EFCAB5: variants seen among roughly 807,000 people sequenced by gnomAD.
EFCAB5 encodes EF-hand calcium binding domain 5.
In EFCAB5, 131 loss-of-function variants were observed where a neutral mutation model predicts 167.9. The observed-to-expected ratio is 0.78, with a 90% confidence interval of 0.68 to 0.90. EFCAB5 has a LOEUF of 0.90. Ranked by LOEUF, EFCAB5 falls within the 40% of genes least tolerant of loss-of-function variation. The pLI is 0.00. For missense variants in EFCAB5, 1,663 were observed against 1,745.2 expected (o/e 0.95, Z 0.84); for synonymous variants, 574 against 602.8 (o/e 0.95, Z 0.70).
intron 2 of EFCAB5, among the ~76,000 whole-genome samples, chr17:29,943,041 A>T (rs1161647610): frequency 6.8e-6 from 1 of 147,686 alleles, no homozygotes; most frequent in South Asian, 2.1e-4. Context: ...GCATCTCCAA[A>T]ATATATATAT....
chr17:29,986,621 T>C (rs1221390734), intron 4 of EFCAB5, among the ~76,000 whole-genome samples: 1 of 151,078 alleles, frequency 6.6e-6, no homozygotes, highest in Non-Finnish European at 1.5e-5. Context: ...TATGCCTCAA[T>C]TATAGGAGTA....
intron 8 of EFCAB5, among the ~76,000 whole-genome samples, chr17:30,047,269 C>CCTCT (rs1465270993): frequency 6.6e-6 from 1 of 152,008 alleles, no homozygotes; most frequent in African/African-American, 2.4e-5. Flanking sequence ...TCATATGTAG[C>CCTCT]CTCTATATGT....
intron 4 of EFCAB5, among the ~76,000 whole-genome samples, chr17:29,989,772 G>A (rs1486818865): frequency 6.6e-6 from 1 of 152,090 alleles, no homozygotes. Context: ...AAAGCCTCCA[G>A]TTTCTCTTTA....
chr17:30,051,180 A>C lies in EFCAB5; in HGVS notation c.1263A>C (p.Ser421=). The change falls in exon 9 of 23, where the codon TCA becomes TCC. Residue 421 remains serine (S), a synonymous_variant. Transcript: ENST00000394835. ...ALLELFYDHS[S]QMLRSLLRNP... ...TGGAATTGTTCTATGACCATAGTTCACAAATGCTTAGGAGTTTACTTCGAA... is the reference window on the plus strand; with the variant it reads ...TGGAATTGTTCTATGACCATAGTTCCCAAATGCTTAGGAGTTTACTTCGAA... 1 of 1,614,012 alleles carries C rather than the reference A, an allele frequency of 6.2e-7. No individual in the cohort carries two copies. Among genetic ancestry groups the C allele is most frequent in the Non-Finnish European group, 8.5e-7 (1 of 1,179,876 alleles).
chr17:30,086,952 G>A, intron 18 of EFCAB5, 111 bp from the exon 19 acceptor site: 1 of 868,432 alleles, frequency 1.2e-6, no homozygotes, highest in Non-Finnish European at 1.7e-6. Context: ...TGTCCTTAAA[G>A]CCAGAGGTCA....
intron 8 of EFCAB5, among the ~76,000 whole-genome samples, chr17:30,036,673 C>T (rs2069639180): frequency 6.6e-6 from 1 of 152,044 alleles, no homozygotes; most frequent in Non-Finnish European, 1.5e-5. Context: ...GAGATCTTCC[C>T]ACCTTGGCCT....
At chr17:30,004,857 G>A (rs905922482) in intron 7 of EFCAB5, among the ~76,000 whole-genome samples, 5 of 140,816 alleles carry the variant, frequency 3.6e-5, no homozygotes, top group African/African-American at 5.4e-5. Context: ...GGCTGGTCTC[G>A]AACTCCTGAC....
At chr17:29,979,579 T>A (rs2068130942) in intron 4 of EFCAB5, among the ~76,000 whole-genome samples, 1 of 152,192 alleles carries the variant, frequency 6.6e-6, no homozygotes, top group Non-Finnish European at 1.5e-5. Flanking sequence ...GTCTAAAACA[T>A]CCCTCCCTTT....
chr17:30,079,121 T>C (rs2070929852), intron 15 of EFCAB5, among the ~76,000 whole-genome samples: 1 of 152,160 alleles, frequency 6.6e-6, no homozygotes, highest in African/African-American at 2.4e-5. Flanking sequence ...ATTCCACTAA[T>C]CCAGGGAACC....
chr17:30,108,034 A>G lies in EFCAB5; in HGVS notation c.*10A>G, dbSNP rs754051097. The G allele has an allele frequency of 6.2e-6, 10 of 1,600,674 alleles. No individual in the cohort carries two copies. Among genetic ancestry groups the G allele is most frequent in the Non-Finnish European group, 8.5e-6 (10 of 1,176,260 alleles). On this transcript the variant is annotated 3_prime_UTR_variant, in exon 23 of 23. Transcript: ENST00000394835. ...TTTGCAAGAGAAGTGATAATGGATG[A>G]TAATGGAATTGATACTGTATTTAGG...
In EFCAB5 at chr17:30,091,872, G is replaced by A; in HGVS notation, c.3939G>A (p.Glu1313=). Residue 1313 remains glutamate (E), a splice_region_variant and synonymous_variant, in exon 21 of 23, where the codon GAG becomes GAA. Transcript: ENST00000394835. Reference sequence around the variant, plus strand: ...TGAGCTATCATTTTGTTATTCCAGAGATTGAAAATGTCAGGGAAGTCCAGC... The same window carrying A: ...TGAGCTATCATTTTGTTATTCCAGAAATTGAAAATGTCAGGGAAGTCCAGC... The part of the protein sequence containing the change: ...SGEIKKKYIL[E]IENVREVQRA... The A allele has an allele frequency of 1.2e-6, 2 of 1,613,154 alleles. No homozygotes were observed. The highest frequency in any genetic ancestry group is 1.1e-5 in the South Asian group (1 of 91,022).
intron 16 of EFCAB5, 55 bp from the exon 17 acceptor site, chr17:30,080,696 GTT>G: frequency 3.8e-6 from 5 of 1,312,516 alleles, no homozygotes; most frequent in Non-Finnish European, 1.1e-6. Context: ...TTCCTCCATG[GTT>G]TAATCTAAAT....
intron 4 of EFCAB5, among the ~76,000 whole-genome samples, chr17:29,991,346 G>A (rs2068413831): frequency 6.6e-6 from 1 of 152,188 alleles, no homozygotes; most frequent in Admixed American, 6.5e-5. Context: ...TGTGGAGTGG[G>A]AAATCAGGGG....
intron 14 of EFCAB5, among the ~76,000 whole-genome samples, chr17:30,068,030 G>T (rs2070622538): frequency 6.6e-6 from 1 of 152,226 alleles, no homozygotes; most frequent in South Asian, 2.1e-4. Flanking sequence ...AGTAGGCCGG[G>T]CGCGGTGGCT....
intron 22 of EFCAB5, among the ~76,000 whole-genome samples, chr17:30,093,519 AG>A (rs1396170707): frequency 6.6e-6 from 1 of 152,212 alleles, no homozygotes; most frequent in Non-Finnish European, 1.5e-5. Context: ...ATGGCTCTGT[AG>A]AAATTGCTCA....
intron 14 of EFCAB5, chr17:30,073,029 C>T: frequency 3.5e-6 from 2 of 577,776 alleles, no homozygotes; most frequent in East Asian, 3.0e-5. Flanking sequence ...CACTCTGGCT[C>T]CTGTGTCCTC....
At chr17:30,022,087 T>C (rs1017528265) in intron 7 of EFCAB5, among the ~76,000 whole-genome samples, 1 of 152,172 alleles carries the variant, frequency 6.6e-6, no homozygotes, top group Non-Finnish European at 1.5e-5. Flanking sequence ...GTATCTGTTT[T>C]CTGATGGATA....
chr17:30,069,313 A>G (rs998534154), intron 14 of EFCAB5: 1 of 1,519,318 alleles, frequency 6.6e-7, no homozygotes. Flanking sequence ...AGTTATCCCC[A>G]GAAGAAATAC....
chr17:29,968,485 T>C, intron 3 of EFCAB5: 1 of 355,214 alleles, frequency 2.8e-6, no homozygotes. Flanking sequence ...TGTGAGGAAG[T>C]GATGGCTGGA....
Sources: allele counts gnomAD v4.1 joint callset (sites outside exome capture counted in the v4.1 genomes callset), GRCh38; gene constraint gnomAD v4.1.1; transcripts MANE v1.5; gene names NCBI Gene and HGNC (gene_info 2026-07-23, HGNC 2026-07-21).